The following CAST variants were observed in gnomAD, a reference collection of about 807,000 sequenced individuals.
CAST encodes calpastatin.
In CAST, 76 loss-of-function variants were observed where a neutral mutation model predicts 119.6. The observed-to-expected ratio is 0.64, with a 90% CI of 0.53 to 0.77. The LOEUF is 0.77. Ranked by LOEUF, CAST falls within the 30% of genes least tolerant of loss-of-function variation. The pLI is 0.00. For synonymous variants in CAST, 319 were observed against 331.6 expected (o/e 0.96, Z 0.41); for missense variants, 953 against 946.5 (o/e 1.01, Z -0.09).
At chr5:96,682,802 T>A (rs1376533147) in intron 2 of CAST, among the ~76,000 whole-genome samples, 2 of 152,174 alleles carry the variant, frequency 1.3e-5, no homozygotes, top group Non-Finnish European at 2.9e-5. Context: ...GGACTTTCAT[T>A]CATTACAGAA....
chr5:96,464,958 G>T, the CAST span, among the ~76,000 whole-genome samples: 2 of 151,948 alleles, frequency 1.3e-5, no homozygotes, highest in African/African-American at 4.8e-5. Context: ...ATCCTGCTGG[G>T]ATTTTGATTT....
intron 1 of CAST, among the ~76,000 whole-genome samples, chr5:96,656,362 C>T (rs1283741173): frequency 6.6e-6 from 1 of 152,162 alleles, no homozygotes; most frequent in Non-Finnish European, 1.5e-5. Context: ...AAGGCTATAG[C>T]GTACGTCCCA....
chr5:96,289,983 G>A, the CAST span, among the ~76,000 whole-genome samples: 1 of 151,856 alleles, frequency 6.6e-6, no homozygotes, highest in Non-Finnish European at 1.5e-5. Context: ...CCAATGGATT[G>A]AGTCATCCAA....
the CAST span, among the ~76,000 whole-genome samples, chr5:96,411,162 T>C: frequency 1.3e-5 from 2 of 152,252 alleles, no homozygotes; most frequent in African/African-American, 4.8e-5. Flanking sequence ...GGCTGTGTAT[T>C]ATAAGCCACT....
chr5:96,706,343 G>A (rs1426318928), intron 3 of CAST, among the ~76,000 whole-genome samples: 1 of 152,074 alleles, frequency 6.6e-6, no homozygotes, highest in Non-Finnish European at 1.5e-5. Flanking sequence ...TCTGCAATTG[G>A]CCAGACGTGA....
the CAST span, among the ~76,000 whole-genome samples, chr5:96,064,916 C>G: frequency 6.6e-6 from 1 of 152,112 alleles, no homozygotes; most frequent in East Asian, 1.9e-4. Context: ...GAAGACTTCA[C>G]AAAAAAGCCA....
At chr5:96,238,307 C>CTTCTTG in the CAST span, among the ~76,000 whole-genome samples, 1 of 34,216 alleles carries the variant, frequency 2.9e-5, no homozygotes, top group Non-Finnish European at 6.9e-5. Flanking sequence ...TCTGTTTCTT[C>CTTCTTG]TTCTTCTTCT....
Position 96,668,010 on chromosome 5 carries a change from G to A in CAST, c.75+5513G>A, listed in dbSNP as rs189225319. On this transcript the variant is annotated intron_variant, in intron 1 of 31. Coordinates refer to ENST00000675179, the MANE Select transcript of CAST (RefSeq NM_001750.7). Reference sequence around the variant, plus strand: ...AGCCCGGGCGACAGAGCAAGACTCCGTCTCAATAAATAAATGAATAAATAA... The same window carrying A: ...AGCCCGGGCGACAGAGCAAGACTCCATCTCAATAAATAAATGAATAAATAA... Among the ~76,000 whole-genome samples, 37 of 152,234 alleles carry A rather than the reference G, an allele frequency of 2.4e-4. No individual in the cohort carries two copies. In the East Asian group the frequency reaches 3.1e-3, roughly 13 times the overall value.
At chr5:96,267,519 A>G in the CAST span, among the ~76,000 whole-genome samples, 4 of 152,342 alleles carry the variant, frequency 2.6e-5, no homozygotes, top group South Asian at 8.3e-4. Flanking sequence ...GAGTGAGACA[A>G]CATTTTCAAA....
At chr5:96,363,432 G>A in the CAST span, among the ~76,000 whole-genome samples, 2 of 151,938 alleles carry the variant, frequency 1.3e-5, no homozygotes, top group South Asian at 4.2e-4. Context: ...GGGCAGTATG[G>A]CCATTTTCAC....
At chr5:96,683,141 G>A (rs1340287850) in intron 2 of CAST, among the ~76,000 whole-genome samples, 1 of 152,184 alleles carries the variant, frequency 6.6e-6, no homozygotes, top group African/African-American at 2.4e-5. Flanking sequence ...TGACTGCTAG[G>A]TTTTCTAGAT....
intron 4 of CAST, 77 bp downstream of exon 4, chr5:96,722,775 T>C (rs1758539949): frequency 9.9e-7 from 1 of 1,009,576 alleles, no homozygotes; most frequent in Non-Finnish European, 1.6e-6. Context: ...AGACTAATTG[T>C]TGATGATGAG....
intron 3 of CAST, among the ~76,000 whole-genome samples, chr5:96,713,633 C>G (rs1756633916): frequency 6.6e-6 from 1 of 152,154 alleles, no homozygotes; most frequent in Admixed American, 6.5e-5. Context: ...CAGGTTCTTT[C>G]CTTTGAGGAA....
chr5:96,730,702 A>G (rs1760276861), intron 8 of CAST, 78 bp from the exon 9 acceptor site: 1 of 1,037,664 alleles, frequency 9.6e-7, no homozygotes, highest in Non-Finnish European at 1.5e-6. Flanking sequence ...GATGTTAGTG[A>G]CATTTGAAAC....
chr5:96,512,197 T>C, the CAST span, among the ~76,000 whole-genome samples: 1 of 152,248 alleles, frequency 6.6e-6, no homozygotes, highest in Admixed American at 6.5e-5. Context: ...AAATTGCACA[T>C]GTATTAGTAT....
chr5:96,094,800 G>A, the CAST span, among the ~76,000 whole-genome samples: 1 of 152,170 alleles, frequency 6.6e-6, no homozygotes, highest in Non-Finnish European at 1.5e-5. Flanking sequence ...TAAATTACGT[G>A]ACATTGGTTC....
the CAST span, among the ~76,000 whole-genome samples, chr5:96,286,514 C>T: frequency 1.3e-5 from 2 of 152,124 alleles, no homozygotes; most frequent in South Asian, 2.1e-4. Flanking sequence ...AGATATGGAC[C>T]GTGTTGTGAC....
chr5:96,166,167 T>C, the CAST span, among the ~76,000 whole-genome samples: 1 of 152,142 alleles, frequency 6.6e-6, no homozygotes, highest in Non-Finnish European at 1.5e-5. Context: ...CCCCTGCAGA[T>C]AAAACAGATG....
intron 1 of CAST, among the ~76,000 whole-genome samples, chr5:96,649,681 A>G (rs1561439243): frequency 6.6e-6 from 1 of 152,208 alleles, no homozygotes; most frequent in African/African-American, 2.4e-5. Flanking sequence ...CTTTGACCCA[A>G]TTGAGCAGTC....
Sources: allele counts gnomAD v4.1 joint callset (sites outside exome capture counted in the v4.1 genomes callset), GRCh38; gene constraint gnomAD v4.1.1; transcripts MANE v1.5; gene names NCBI Gene and HGNC (gene_info 2026-07-23, HGNC 2026-07-21).